KANSL3: variants seen among roughly 807,000 people sequenced by gnomAD.
KANSL3 encodes NSL complex protein NSL3.
A neutral mutation model predicts 89.2 loss-of-function variants in KANSL3; 16 were observed. The ratio of observed to expected loss-of-function variants is 0.18; its 90% confidence interval spans 0.12 to 0.27. KANSL3 has a LOEUF of 0.27. Ranked by LOEUF, KANSL3 falls within the 10% of genes least tolerant of loss-of-function variation. The probability of loss-of-function intolerance (pLI) is 1.00; values close to 1 mark genes in which losing one functional copy is unlikely to be tolerated. For synonymous variants in KANSL3, 385 were observed against 419.7 expected, an observed-to-expected ratio of 0.92 and a Z score of 1.01; for missense variants, 879 against 1,110.6, an observed-to-expected ratio of 0.79 and a Z score of 2.96.
the KANSL3 span, among the ~76,000 whole-genome samples, chr2:96,584,203 G>A: frequency 6.6e-6 from 1 of 152,106 alleles, no homozygotes; most frequent in Non-Finnish European, 1.5e-5. Flanking sequence ...ACAGGCTGGA[G>A]TGCAGTGGTG....
chr2:96,619,794 A>C (rs2070899803), intron 3 of KANSL3, 32 bp from the exon 4 acceptor site: 1 of 1,501,582 alleles, frequency 6.7e-7, no homozygotes, highest in African/African-American at 1.4e-5. Context: ...ATTATAGTCA[A>C]ACCCTGGGGA....
chr2:96,595,719 T>C, intron 20 of KANSL3, 88 bp from the exon 21 acceptor site: 1 of 1,397,272 alleles, frequency 7.2e-7, no homozygotes, highest in Non-Finnish European at 9.9e-7. Flanking sequence ...TCCCAACTCC[T>C]GAGAATTTAT....
At chr2:96,607,424 C>T (rs896199425) in intron 14 of KANSL3, among the ~76,000 whole-genome samples, 1 of 152,164 alleles carries the variant, frequency 6.6e-6, no homozygotes, top group African/African-American at 2.4e-5. Flanking sequence ...AAACCCAGCT[C>T]GCCAATCAGC....
chr2:96,631,279 G>A, intron 3 of KANSL3, 33 bp downstream of exon 3: 3 of 1,428,942 alleles, frequency 2.1e-6, no homozygotes, highest in Non-Finnish European at 3.0e-6. Context: ...AATAATTACA[G>A]GGCAGTGATC....
downstream of KANSL3, among the ~76,000 whole-genome samples, chr2:96,589,876 C>T (rs994601866): frequency 7.9e-5 from 12 of 152,028 alleles, 1 homozygote; most frequent in African/African-American, 2.9e-4. Flanking sequence ...AGGCCAGGCG[C>T]AGTGGCTCAC....
At chr2:96,600,893 G>A in intron 20 of KANSL3, 2 of 985,400 alleles carry the variant, frequency 2.0e-6, no homozygotes, top group Non-Finnish European at 2.4e-6. Context: ...CAAAGAAAGA[G>A]TATTATACTT....
chr2:96,629,452 A>G (rs2072998436), intron 3 of KANSL3, among the ~76,000 whole-genome samples: 1 of 152,112 alleles, frequency 6.6e-6, no homozygotes, highest in Non-Finnish European at 1.5e-5. Flanking sequence ...CCTCCCGAGT[A>G]GCTGGGATTA....
At chr2:96,585,621 C>A in the KANSL3 span, among the ~76,000 whole-genome samples, 9 of 151,942 alleles carry the variant, frequency 5.9e-5, no homozygotes, top group Admixed American at 4.6e-4. Context: ...GGGTATCTAC[C>A]CAAAGGAAAA....
chr2:96,638,220 GTCCC>G (rs2106355243), intron 1 of KANSL3, 59 bp downstream of exon 1: 5 of 150,492 alleles, frequency 3.3e-5, no homozygotes, highest in Admixed American at 1.3e-4. Context: ...ACCCCCGGCC[GTCCC>G]AACCACGGCC....
At chr2:96,599,417 G>GTATGTTATA (rs1343880664) in intron 20 of KANSL3, among the ~76,000 whole-genome samples, 1 of 152,144 alleles carries the variant, frequency 6.6e-6, no homozygotes, top group African/African-American at 2.4e-5. Flanking sequence ...ATGGTACATT[G>GTATGTTATA]TATGTTATAT....
chr2:96,581,415 C>T, the KANSL3 span, among the ~76,000 whole-genome samples: 1 of 149,408 alleles, frequency 6.7e-6, no homozygotes. Context: ...CAGAGCAAGA[C>T]TCCATCTCAA....
the KANSL3 span, among the ~76,000 whole-genome samples, chr2:96,587,097 T>C: frequency 6.6e-6 from 1 of 152,196 alleles, no homozygotes; most frequent in African/African-American, 2.4e-5. Flanking sequence ...GAGGTGGCTG[T>C]CTCCTCAAAT....
At chr2:96,606,599 G>A (rs1357510569) in intron 14 of KANSL3, 1 of 195,144 alleles carries the variant, frequency 5.1e-6, no homozygotes, top group African/African-American at 2.4e-5. Context: ...ATGCTGATAT[G>A]TGGCTGGTAG....
chr2:96,633,932 T>C (rs2073881535), intron 2 of KANSL3, among the ~76,000 whole-genome samples: 2 of 152,208 alleles, frequency 1.3e-5, no homozygotes, highest in African/African-American at 4.8e-5. Context: ...ATTCAACAGA[T>C]ACACGTGGCG....
the KANSL3 span, among the ~76,000 whole-genome samples, chr2:96,583,943 T>C: frequency 1.3e-5 from 2 of 152,236 alleles, no homozygotes; most frequent in South Asian, 2.1e-4. Flanking sequence ...TGGTTTAATA[T>C]TGCATTTTAC....
intron 1 of KANSL3, 52 bp from the exon 2 acceptor site, chr2:96,637,237 C>CG: frequency 6.2e-6 from 4 of 641,186 alleles, no homozygotes; most frequent in Admixed American, 3.0e-5. Context: ...AAATTTCTCC[C>CG]AATCTACACC....
At chr2:96,600,803 C>G in intron 20 of KANSL3, 1 of 985,322 alleles carries the variant, frequency 1.0e-6, no homozygotes, top group Non-Finnish European at 1.2e-6. Flanking sequence ...TGGGTGAGAC[C>G]TATAAAAACC....
At chr2:96,620,572 C>T (rs927209630) in intron 3 of KANSL3, among the ~76,000 whole-genome samples, 3 of 152,128 alleles carry the variant, frequency 2.0e-5, no homozygotes, top group Admixed American at 2.0e-4. Flanking sequence ...ATTATTGTCC[C>T]CCTTCACCCC....
At chr2:96,609,692 A>G in intron 11 of KANSL3, 130 bp from the exon 12 acceptor site, 2 of 832,682 alleles carry the variant, frequency 2.4e-6, no homozygotes, top group Admixed American at 3.8e-5. Flanking sequence ...AGCCTTAGGC[A>G]GGTAATGCAA....
Sources: allele counts gnomAD v4.1 joint callset (sites outside exome capture counted in the v4.1 genomes callset), GRCh38; gene constraint gnomAD v4.1.1; transcripts MANE v1.5; gene names NCBI Gene and HGNC (gene_info 2026-07-23, HGNC 2026-07-21).